UBAC2: variants seen among roughly 807,000 people sequenced by gnomAD.
UBAC2 encodes ubiquitin-associated domain-containing protein 2.
UBAC2 carries 26 observed loss-of-function variants against 44.0 expected under a neutral mutation model. The observed-to-expected ratio is 0.59, with a 90% CI of 0.43 to 0.82. UBAC2 has a LOEUF of 0.82. Ranked by LOEUF, UBAC2 falls within the 40% of genes least tolerant of loss-of-function variation. The pLI, the probability that UBAC2 is intolerant of heterozygous loss-of-function variation, is 0.00. For missense variants in UBAC2, 329 were observed against 419.4 expected (o/e 0.78, Z 1.88); for synonymous variants, 155 against 154.3 (o/e 1.00, Z -0.04).
intron 4 of UBAC2, among the ~76,000 whole-genome samples, chr13:99,304,305 T>G (rs1342154366): frequency 6.6e-6 from 1 of 152,212 alleles, no homozygotes; most frequent in Non-Finnish European, 1.5e-5. Context: ...GCTCTTACTT[T>G]CCTTCAAGCC....
chr13:99,344,625 C>T (rs1214610895), intron 7 of UBAC2, among the ~76,000 whole-genome samples: 3 of 152,116 alleles, frequency 2.0e-5, no homozygotes, highest in African/African-American at 7.2e-5. Flanking sequence ...TACACATGAT[C>T]TGTCTGCAGT....
At chr13:99,332,969 C>T (rs1223376119) in intron 6 of UBAC2, among the ~76,000 whole-genome samples, 1 of 152,050 alleles carries the variant, frequency 6.6e-6, no homozygotes, top group Admixed American at 6.6e-5. Flanking sequence ...TTTATGAGAT[C>T]ATGAAAATTA....
chr13:99,242,450 C>T (rs1463204861), intron 2 of UBAC2, among the ~76,000 whole-genome samples: 136 of 134,956 alleles, frequency 1.0e-3, no homozygotes, highest in African/African-American at 3.7e-3. Context: ...GCTGGCCGGG[C>T]GGGGGGCTGA....
At chr13:99,335,868 C>G (rs764749040) in intron 6 of UBAC2, among the ~76,000 whole-genome samples, 3 of 152,090 alleles carry the variant, frequency 2.0e-5, no homozygotes, top group Non-Finnish European at 4.4e-5. Context: ...GTTCTCAGTT[C>G]CCTCCATCCT....
chr13:99,270,607 G>C (rs894107788), intron 4 of UBAC2, among the ~76,000 whole-genome samples: 3 of 152,200 alleles, frequency 2.0e-5, no homozygotes, highest in African/African-American at 7.2e-5. Context: ...AGTAAGTAGG[G>C]AACGAGAGTT....
At chr13:99,283,300 A>G (rs1438917135) in intron 4 of UBAC2, among the ~76,000 whole-genome samples, 1 of 152,234 alleles carries the variant, frequency 6.6e-6, no homozygotes, top group Non-Finnish European at 1.5e-5. Flanking sequence ...TATTTGCTGT[A>G]TAAATAAATG....
intron 1 of UBAC2, among the ~76,000 whole-genome samples, chr13:99,229,328 A>C (rs9513585): frequency 0.56 from 85,005 of 152,110 alleles, 25,955 homozygotes; most frequent in Non-Finnish European, 0.71. Context: ...TATCTGTGCT[A>C]ATAAGGAAGG....
intron 7 of UBAC2, among the ~76,000 whole-genome samples, chr13:99,364,716 T>G (rs866578570): frequency 7.9e-5 from 12 of 152,306 alleles, no homozygotes; most frequent in Middle Eastern, 3.4e-3. Flanking sequence ...GTCATACAAA[T>G]GTACTTTTTG....
chr13:99,289,119 A>T (rs1426147952), intron 4 of UBAC2, among the ~76,000 whole-genome samples: 1 of 152,280 alleles, frequency 6.6e-6, no homozygotes, highest in Non-Finnish European at 1.5e-5. Flanking sequence ...ACAAAGTGGG[A>T]TGGAGCTGGG....
At chr13:99,355,537 C>T (rs369652694) in intron 7 of UBAC2, among the ~76,000 whole-genome samples, 11 of 152,218 alleles carry the variant, frequency 7.2e-5, no homozygotes, top group African/African-American at 2.4e-4. Context: ...GTGGTCCCCC[C>T]ACGCCACCCT....
chr13:99,232,404 A>ATATATATATATATATATAT (rs2043184836), intron 1 of UBAC2, among the ~76,000 whole-genome samples: 1 of 139,346 alleles, frequency 7.2e-6, no homozygotes, highest in Non-Finnish European at 1.6e-5. Context: ...TGAGAGATAT[A>ATATATATATATATATATAT]GATATATATA....
chr13:99,277,145 A>T (rs377289845), intron 4 of UBAC2, among the ~76,000 whole-genome samples: 3 of 143,032 alleles, frequency 2.1e-5, no homozygotes, highest in South Asian at 2.4e-4. Flanking sequence ...TTATACCTTT[A>T]AAAAAAATCC....
At chr13:99,360,558 C>T (rs2045251716) in intron 7 of UBAC2, among the ~76,000 whole-genome samples, 1 of 152,150 alleles carries the variant, frequency 6.6e-6, no homozygotes, top group South Asian at 2.1e-4. Context: ...ACCTTTTTGT[C>T]CCTCTGCCGT....
rs545667426 is a variant in UBAC2, at chr13:99,331,945, G to A, written c.562-8375G>A. 3.9e-5 allele frequency among the ~76,000 whole-genome samples: 6 copies of A among 152,168 alleles called. No homozygotes were observed. In the East Asian group the frequency reaches 5.8e-4, roughly 15 times the overall value. On this transcript the variant is annotated intron_variant, in intron 6 of 8. Transcript: ENST00000403766. ...TTGTGGAATGAATAAATGAGGTCTC[G>A]GTGGGTCTGGTTACCACAGGCCTTG...
In UBAC2 at chr13:99,277,346, A is replaced by G. The variant is rs1181592273; in HGVS notation, c.389+32722A>G. Among the ~76,000 whole-genome samples the G allele has an allele frequency of 2.6e-5, 4 of 152,118 alleles. No individual in the cohort carries two copies. The East Asian group carries it at 7.8e-4, about 29-fold the overall frequency. ...TTCGAGACCAGCCTAACCAACATGG[A>G]GAAACCCCGTCTCTACTAAAAATAC... On this transcript the variant is annotated intron_variant, in intron 4 of 8. Coordinates refer to ENST00000403766, the MANE Select transcript of UBAC2 (RefSeq NM_001144072.2).
At chr13:99,201,206 T>TG in intron 1 of UBAC2, 2 of 1,425,810 alleles carry the variant, frequency 1.4e-6, no homozygotes, top group South Asian at 3.2e-5. Flanking sequence ...AGGAGTCTCT[T>TG]GGGGCCGCTG....
intron 7 of UBAC2, among the ~76,000 whole-genome samples, chr13:99,364,695 ATAT>A (rs1486832197): frequency 2.0e-5 from 3 of 152,178 alleles, no homozygotes; most frequent in African/African-American, 7.2e-5. Flanking sequence ...AGTACATGCT[ATAT>A]AATAATAGTC....
rs143557998 is a variant in UBAC2 at position 99,268,554 on chromosome 13, G to T, written c.389+23930G>T. Among the ~76,000 whole-genome samples, 126 of 134,920 alleles carry T rather than the reference G, an allele frequency of 9.3e-4. No individual in the cohort carries two copies. In the East Asian group the frequency reaches 0.025, roughly 27 times the overall value. 88.5% of individuals were successfully genotyped at this position (134,920 alleles called of 152,430 possible). A position where few individuals can be genotyped will look rare whatever the true frequency, so the allele number is the denominator to read the frequency against. On this transcript the variant is annotated intron_variant, in intron 4 of 8. Transcript: ENST00000403766. The stretch of plus-strand genomic sequence containing the variant: ...GCCTGGAGGGCCGAGGCTGCAGTGA[G>T]CCATGATCCTGTCACTGCACTCCAT...
At chr13:99,204,051 AAT>A (rs776625270) in intron 1 of UBAC2, among the ~76,000 whole-genome samples, 2 of 152,204 alleles carry the variant, frequency 1.3e-5, no homozygotes, top group Non-Finnish European at 2.9e-5. Flanking sequence ...TACGTTGAGT[AAT>A]ATGTGTATCA....
Sources: gnomAD v4.1 joint callset for allele counts (sites outside exome capture counted in the v4.1 genomes callset) on GRCh38, gnomAD v4.1.1 for gene constraint, MANE v1.5 for transcripts, NCBI Gene and HGNC (gene_info 2026-07-23, HGNC 2026-07-21) for gene names.